Variants in MLLT10 observed in about 807,000 individuals in gnomAD.
MLLT10 encodes the protein MLLT10 histone lysine methyltransferase DOT1L cofactor.
MLLT10 carries 30 observed loss-of-function variants against 129.1 expected under a neutral mutation model. The observed-to-expected ratio is 0.23, with a 90% CI of 0.17 to 0.32. The LOEUF (loss-of-function observed/expected upper bound fraction) is 0.32, where lower values mean the gene tolerates loss of function less well. Ranked by LOEUF, MLLT10 falls within the 10% of genes least tolerant of loss-of-function variation. The probability of loss-of-function intolerance (pLI) is 1.00; values close to 1 mark genes in which losing one functional copy is unlikely to be tolerated. For missense variants in MLLT10, 1,119 were observed against 1,268.3 expected, an observed-to-expected ratio of 0.88 and a Z score of 1.79; for synonymous variants, 490 against 446.4, an observed-to-expected ratio of 1.10 and a Z score of -1.23.
intron 14 of MLLT10, among the ~76,000 whole-genome samples, chr10:21,717,657 T>G (rs2056757310): frequency 7.3e-6 from 1 of 136,802 alleles, no homozygotes; most frequent in African/African-American, 2.8e-5. Flanking sequence ...CTCCTCTTCC[T>G]CCTCCTCTTC....
At chr10:21,660,695 G>A (rs1313578032) in intron 9 of MLLT10, among the ~76,000 whole-genome samples, 1 of 148,860 alleles carries the variant, frequency 6.7e-6, no homozygotes, top group Admixed American at 6.7e-5. Flanking sequence ...CCAACATGGC[G>A]AAGCCCCGTA....
intron 5 of MLLT10, among the ~76,000 whole-genome samples, chr10:21,602,548 C>T (rs1234623632): frequency 1.3e-5 from 2 of 152,054 alleles, no homozygotes; most frequent in Admixed American, 6.6e-5. Context: ...GAGATAGACT[C>T]CTAGATTAAC....
intron 3 of MLLT10, among the ~76,000 whole-genome samples, chr10:21,563,922 C>G (rs1249182881): frequency 1.3e-5 from 2 of 151,916 alleles, no homozygotes; most frequent in African/African-American, 4.8e-5. Context: ...ACACCATTCT[C>G]CTGCCTCAGC....
intron 8 of MLLT10, among the ~76,000 whole-genome samples, chr10:21,622,135 T>A (rs2045926086): frequency 6.6e-6 from 1 of 150,670 alleles, no homozygotes; most frequent in Admixed American, 6.6e-5. Context: ...TTGTTTTTTC[T>A]TGTTTCTTTT....
At chr10:21,714,373 G>C (rs1309997189) in intron 14 of MLLT10, among the ~76,000 whole-genome samples, 1 of 152,146 alleles carries the variant, frequency 6.6e-6, no homozygotes, top group East Asian at 1.9e-4. Context: ...GGAGAATGTA[G>C]GTTAAAAGAC....
At chr10:21,545,283 G>A in intron 3 of MLLT10, among the ~76,000 whole-genome samples, 1 of 151,934 alleles carries the variant, frequency 6.6e-6, no homozygotes. Flanking sequence ...TTCACATTTG[G>A]GAGAGTAAGA....
rs200455724 is a variant in MLLT10, at chr10:21,691,555, AGC to A, written c.1699+9299_1699+9300del. ...GAAAGCTTATAGCTTTGGCTTAGGAAGCCAAAAACTTTATTTCATGTTGCCAA... is the reference window on the plus strand; with the variant it reads ...GAAAGCTTATAGCTTTGGCTTAGGAACAAAAACTTTATTTCATGTTGCCAA... On this transcript the variant is annotated intron_variant, in intron 13 of 22. Coordinates refer to ENST00000307729, the MANE Select transcript of MLLT10 (RefSeq NM_001195626.3). 9.1e-3 allele frequency among the ~76,000 whole-genome samples: 1,381 copies of A among 152,326 alleles called. 61 individuals are homozygous for A. The highest frequency in any genetic ancestry group is 0.081 in the Admixed American group (1,244 of 15,296).
At chr10:21,683,923 G>C (rs1323938234) in intron 13 of MLLT10, among the ~76,000 whole-genome samples, 1 of 152,020 alleles carries the variant, frequency 6.6e-6, no homozygotes, top group Non-Finnish European at 1.5e-5. Context: ...ACTTACCTAA[G>C]ATGGATGGTT....
chr10:21,709,534 G>C (rs570453077), intron 13 of MLLT10, among the ~76,000 whole-genome samples: 2 of 152,248 alleles, frequency 1.3e-5, no homozygotes, highest in East Asian at 3.9e-4. Context: ...TCTGGCTGCA[G>C]TATTTTATTT....
At chr10:21,649,557 G>A (rs1377880523) in intron 8 of MLLT10, among the ~76,000 whole-genome samples, 1 of 152,218 alleles carries the variant, frequency 6.6e-6, no homozygotes, top group Non-Finnish European at 1.5e-5. Context: ...TTACTCATGA[G>A]GATTCATTAA....
intron 8 of MLLT10, chr10:21,625,158 T>C: frequency 1.6e-6 from 2 of 1,225,844 alleles, no homozygotes; most frequent in Non-Finnish European, 2.4e-6. Flanking sequence ...AGGAGGAGGG[T>C]GTAGTGATAA....
chr10:21,689,686 C>T (rs1253675184), intron 13 of MLLT10, among the ~76,000 whole-genome samples: 4 of 136,110 alleles, frequency 2.9e-5, no homozygotes, highest in African/African-American at 1.1e-4. Context: ...GCATGTTTTA[C>T]CTCCAAGATA....
intron 8 of MLLT10, among the ~76,000 whole-genome samples, chr10:21,623,040 A>C (rs2046052728): frequency 6.6e-6 from 1 of 152,228 alleles, no homozygotes; most frequent in Admixed American, 6.5e-5. Context: ...GAAGAGACAC[A>C]TAGGACAAGT....
intron 3 of MLLT10, among the ~76,000 whole-genome samples, chr10:21,549,586 T>G (rs2036644599): frequency 6.6e-6 from 1 of 151,630 alleles, no homozygotes; most frequent in Admixed American, 6.6e-5. Flanking sequence ...TCATTGTGAC[T>G]ACAAAAGAAG....
At chr10:21,591,207 C>A (rs2042462451) in intron 4 of MLLT10, among the ~76,000 whole-genome samples, 1 of 152,076 alleles carries the variant, frequency 6.6e-6, no homozygotes, top group Non-Finnish European at 1.5e-5. Context: ...CACGTGCACG[C>A]CACCTTATCC....
intron 3 of MLLT10, among the ~76,000 whole-genome samples, chr10:21,547,027 T>C (rs2036195223): frequency 6.6e-6 from 1 of 151,682 alleles, no homozygotes; most frequent in South Asian, 2.1e-4. Flanking sequence ...CCGGCCCTAA[T>C]CCTGGCTAAT....
intron 3 of MLLT10, among the ~76,000 whole-genome samples, chr10:21,571,695 G>A (rs1266955221): frequency 1.3e-5 from 2 of 152,204 alleles, no homozygotes; most frequent in African/African-American, 4.8e-5. Flanking sequence ...CATGATAACT[G>A]ATGATATTCA....
intron 2 of MLLT10, among the ~76,000 whole-genome samples, chr10:21,535,139 C>T (rs942394853): frequency 1.3e-4 from 5 of 38,366 alleles, no homozygotes; most frequent in South Asian, 7.3e-4. Context: ...GGGGCGGGGG[C>T]GGGGGCGGTG....
intron 14 of MLLT10, among the ~76,000 whole-genome samples, chr10:21,724,539 T>G (rs1014949505): frequency 6.6e-6 from 1 of 152,270 alleles, no homozygotes; most frequent in Non-Finnish European, 1.5e-5. Flanking sequence ...AGTTTTGTTC[T>G]GAAATAACTG....
Sources: allele counts gnomAD v4.1 joint callset (sites outside exome capture counted in the v4.1 genomes callset), GRCh38; gene constraint gnomAD v4.1.1; transcripts MANE v1.5; gene names NCBI Gene and HGNC (gene_info 2026-07-23, HGNC 2026-07-21).